HS3ST4: variants seen among roughly 807,000 people sequenced by gnomAD.
HS3ST4 encodes heparan sulfate glucosamine 3-O-sulfotransferase 4.
HS3ST4 carries 17 observed loss-of-function variants against 29.2 expected under a neutral mutation model. The observed-to-expected ratio is 0.58, with a 90% CI of 0.40 to 0.87. The LOEUF is 0.87. Among genes scored for constraint, HS3ST4 ranks in the 40% least tolerant of loss-of-function variants. HS3ST4 has a pLI of 0.00. For missense variants in HS3ST4, 627 were observed against 634.5 expected (o/e 0.99, Z 0.13); for synonymous variants, 314 against 285.7 (o/e 1.10, Z -1.00).
rs565750808 is a variant in HS3ST4 at position 25,807,118 on chromosome 16, G to A, written c.734+113967G>A. Among the ~76,000 whole-genome samples the A allele has an allele frequency of 5.3e-5, 8 of 152,144 alleles. No homozygotes were observed. In the East Asian group the frequency reaches 1.2e-3, roughly 22 times the overall value. On this transcript the variant is annotated intron_variant, in intron 1 of 1. Coordinates refer to ENST00000331351, the MANE Select transcript of HS3ST4 (RefSeq NM_006040.3). The stretch of plus-strand genomic sequence containing the variant: ...CTCCTGAGTAGCTGGGATTACAGGC[G>A]CCTGCTACCATGCCTGGCTAATTTT...
intron 1 of HS3ST4, among the ~76,000 whole-genome samples, chr16:25,706,499 A>G (rs951137149): frequency 6.6e-6 from 1 of 152,056 alleles, no homozygotes; most frequent in South Asian, 2.1e-4. Context: ...CCCGGCATGC[A>G]TTAGGTATTT....
intron 1 of HS3ST4, among the ~76,000 whole-genome samples, chr16:26,133,746 G>A (rs1317572207): frequency 1.3e-5 from 2 of 152,204 alleles, no homozygotes; most frequent in Non-Finnish European, 2.9e-5. Context: ...CTCCACACAC[G>A]CGATAGTAAA....
chr16:25,759,580 CGAAG>C (rs1373121004), intron 1 of HS3ST4, among the ~76,000 whole-genome samples: 3 of 151,972 alleles, frequency 2.0e-5, no homozygotes, highest in African/African-American at 7.3e-5. Flanking sequence ...AGCTGAGAGC[CGAAG>C]GATGGAGTTC....
chr16:25,854,032 G>A (rs1233994380), intron 1 of HS3ST4, among the ~76,000 whole-genome samples: 2 of 152,022 alleles, frequency 1.3e-5, no homozygotes, highest in Admixed American at 1.3e-4. Context: ...TTTGATATTG[G>A]TCTATTGAGA....
chr16:25,852,638 T>C (rs1967533212), intron 1 of HS3ST4, among the ~76,000 whole-genome samples: 1 of 152,090 alleles, frequency 6.6e-6, no homozygotes, highest in African/African-American at 2.4e-5. Context: ...CCTATTTCTG[T>C]CATATAGGAT....
chr16:25,803,712 G>T (rs1966963038), intron 1 of HS3ST4, among the ~76,000 whole-genome samples: 1 of 152,002 alleles, frequency 6.6e-6, no homozygotes, highest in South Asian at 2.1e-4. Context: ...TTAAATTCCT[G>T]GGTTACAACT....
intron 1 of HS3ST4, among the ~76,000 whole-genome samples, chr16:25,804,659 G>A (rs149464716): frequency 7.7e-4 from 117 of 152,142 alleles, no homozygotes; most frequent in Non-Finnish European, 1.3e-3. Flanking sequence ...TAGGCCTCTT[G>A]TGGTGATGGA....
chr16:25,895,258 G>A (rs1326837537), intron 1 of HS3ST4, among the ~76,000 whole-genome samples: 1 of 152,154 alleles, frequency 6.6e-6, no homozygotes, highest in Non-Finnish European at 1.5e-5. Context: ...GTGAGTTAAT[G>A]TATGACCAGG....
intron 1 of HS3ST4, among the ~76,000 whole-genome samples, chr16:25,900,022 C>A (rs1968106981): frequency 6.6e-6 from 1 of 152,212 alleles, no homozygotes; most frequent in Non-Finnish European, 1.5e-5. Flanking sequence ...TAAATGTTCT[C>A]CTGCTTTGAG....
At chr16:25,694,715 G>A (rs1966280961) in intron 1 of HS3ST4, among the ~76,000 whole-genome samples, 1 of 151,996 alleles carries the variant, frequency 6.6e-6, no homozygotes, top group South Asian at 2.1e-4. Flanking sequence ...CTGGTTGTAG[G>A]AATGTTCTGG....
At chr16:25,808,709 C>T (rs1258568056) in intron 1 of HS3ST4, among the ~76,000 whole-genome samples, 2 of 152,144 alleles carry the variant, frequency 1.3e-5, no homozygotes, top group Non-Finnish European at 2.9e-5. Context: ...GGAGACTTGA[C>T]ATCTTTACTG....
chr16:25,928,738 G>A (rs1370652393), intron 1 of HS3ST4, among the ~76,000 whole-genome samples: 1 of 152,106 alleles, frequency 6.6e-6, no homozygotes, highest in Non-Finnish European at 1.5e-5. Context: ...CCCTCTCCAT[G>A]GGCTTTTCCA....
At chr16:26,072,950 T>C (rs1164259116) in intron 1 of HS3ST4, among the ~76,000 whole-genome samples, 1 of 152,236 alleles carries the variant, frequency 6.6e-6, no homozygotes, top group Admixed American at 6.5e-5. Flanking sequence ...AAAAAATAAA[T>C]CTGCTTAAGT....
intron 1 of HS3ST4, among the ~76,000 whole-genome samples, chr16:25,768,938 T>C (rs1034227157): frequency 2.6e-5 from 4 of 152,114 alleles, no homozygotes; most frequent in Non-Finnish European, 4.4e-5. Context: ...AGCTCTCTAG[T>C]TTGCCATAGT....
At chr16:25,863,839 T>C (rs1317749561) in intron 1 of HS3ST4, among the ~76,000 whole-genome samples, 1 of 152,262 alleles carries the variant, frequency 6.6e-6, no homozygotes, top group Non-Finnish European at 1.5e-5. Context: ...GGCTGCTTAG[T>C]CCGCCAGGGA....
intron 1 of HS3ST4, among the ~76,000 whole-genome samples, chr16:25,885,040 A>G (rs1967936092): frequency 6.6e-6 from 1 of 152,158 alleles, no homozygotes; most frequent in Non-Finnish European, 1.5e-5. Context: ...AATAAAAATG[A>G]CGAGCATAAC....
chr16:25,715,713 T>G (rs571899028), intron 1 of HS3ST4, among the ~76,000 whole-genome samples: 3 of 152,368 alleles, frequency 2.0e-5, no homozygotes, highest in African/African-American at 7.2e-5. Context: ...GCTTTAGCTC[T>G]GAACCAAGAT....
At chr16:25,820,593 GTTTATT>G (rs1021221709) in intron 1 of HS3ST4, among the ~76,000 whole-genome samples, 2 of 145,106 alleles carry the variant, frequency 1.4e-5, no homozygotes, top group Non-Finnish European at 3.1e-5. Flanking sequence ...TGTTGTTGTT[GTTTATT>G]TTTATTTTTA....
intron 1 of HS3ST4, among the ~76,000 whole-genome samples, chr16:26,035,035 C>G (rs1596657951): frequency 6.6e-6 from 1 of 152,306 alleles, no homozygotes. Flanking sequence ...CTGCCCATAT[C>G]TCTTTGGCCA....
Sources: allele counts gnomAD v4.1 joint callset (sites outside exome capture counted in the v4.1 genomes callset), GRCh38; gene constraint gnomAD v4.1.1; transcripts MANE v1.5; gene names NCBI Gene and HGNC (gene_info 2026-07-23, HGNC 2026-07-21).